The following FLG variants were observed in gnomAD, a reference collection of about 807,000 sequenced individuals.
FLG encodes epidermal filaggrin.
Under a neutral mutation model 3.8 loss-of-function variants are expected in FLG, and 6 were observed. The observed-to-expected ratio is 1.60, with a 90% CI of 0.87 to 3.15. The LOEUF is 3.15. Among genes scored for constraint, FLG ranks in the 30% most tolerant of loss-of-function variants. The pLI, the probability that FLG is intolerant of heterozygous loss-of-function variation, is 0.00. For synonymous variants in FLG, 2,551 were observed against 1,931.6 expected (o/e 1.32, Z -8.41); for missense variants, 7,595 against 5,050.9 (o/e 1.50, Z -15.27).
rs553760391 is a variant in FLG, at chr1:152,310,103, T to C, written c.4783A>G (p.Ser1595Gly). 1.2e-6 allele frequency: 2 copies of C among 1,614,012 alleles called. No homozygotes were observed. Among genetic ancestry groups the C allele is most frequent in the East Asian group, 2.2e-5 (1 of 44,838 alleles). The part of the protein sequence containing the change: ...KTSRRQGSSV[S>G]QDRDSEGHSE... ...TGTCCCTCACTGTCCCTGTCCTGACTAACACTGGATCCCTGGCGCCTGCTT... is the reference window on the plus strand; with the variant it reads ...TGTCCCTCACTGTCCCTGTCCTGACCAACACTGGATCCCTGGCGCCTGCTT... Residue 1595 changes from serine to glycine, a missense_variant, in exon 3 of 3, where the codon AGT becomes GGT. Transcript: ENST00000368799.
intron 1 of FLG, among the ~76,000 whole-genome samples, chr1:152,320,337 C>G (rs1185132349): frequency 1.3e-5 from 2 of 150,516 alleles, no homozygotes; most frequent in African/African-American, 4.9e-5. Flanking sequence ...GGCTGTCAGA[C>G]TGGATTAAAA....
chr1:152,323,086 A>G (rs1393316327), intron 1 of FLG, among the ~76,000 whole-genome samples: 1 of 151,606 alleles, frequency 6.6e-6, no homozygotes, highest in Non-Finnish European at 1.5e-5. Context: ...AATGGCAAAG[A>G]TGGTAGTGTA....
rs996391727 is a variant in FLG at position 152,303,235 on chromosome 1, G to C, written c.11651C>G (p.Ser3884Cys). 1 of 1,613,914 alleles carries C rather than the reference G, an allele frequency of 6.2e-7. No homozygotes were observed. The highest frequency in any genetic ancestry group is 1.3e-5 in the African/African-American group (1 of 74,878). The stretch of plus-strand genomic sequence containing the variant: ...CCGAGAAGATCCATGATGGTTTCTG[G>C]AAGCAGACTCAGATCGCCTCTCAGA... Reference protein sequence around the residue: ...EDSERRSESASRNHHGSSREQ... With the variant: ...EDSERRSESACRNHHGSSREQ... Residue 3884 changes from serine (S) to cysteine (C), a missense_variant, in exon 3 of 3, where the codon TCC becomes TGC. Ser to Cys is a moderately radical substitution (Grantham distance 112). Transcript: ENST00000368799.
At chr1:152,318,608 G>T (rs1447386253) in intron 1 of FLG, among the ~76,000 whole-genome samples, 1 of 151,710 alleles carries the variant, frequency 6.6e-6, no homozygotes, top group African/African-American at 2.4e-5. Context: ...AATGTCATTG[G>T]ATCCCATCAC....
At position 152,307,237 on chromosome 1, in the gene FLG, C is replaced by T. The variant is rs144484740; in HGVS notation, c.7649G>A (p.Gly2550Asp). 1.4e-5 allele frequency: 23 copies of T among 1,611,260 alleles called. No homozygotes were observed. The South Asian group carries it at 2.2e-4, about 15-fold the overall frequency. Residue 2550 changes from glycine to aspartate, a missense_variant, in exon 3 of 3, where the codon GGC becomes GAC. Physicochemically the swap from Gly to Asp is moderately conservative, Grantham distance 94. Coordinates refer to ENST00000368799, the MANE Select transcript of FLG (RefSeq NM_002016.2). ...RADSSGHSQV[G>D]QGQSEGPRTS... Reference sequence around the variant, plus strand: ...CCTGGGCCCCTCTGATTGTCCCTGGCCCACCTGCGAGTGTCCAGAGCTGTC... The same window carrying T: ...CCTGGGCCCCTCTGATTGTCCCTGGTCCACCTGCGAGTGTCCAGAGCTGTC...
Position 152,310,564 on chromosome 1 carries a change from A to G in FLG, c.4322T>C (p.Phe1441Ser). Residue 1441 changes from phenylalanine to serine, a missense_variant, in exon 3 of 3, where the codon TTC becomes TCC. Transcript: ENST00000368799. ...SGESSGRSRS[F>S]LYQVSSHEQS... ...TTCATGAGAGCTCACCTGGTAGAGG[A>G]AAGACCTTGAACGTCCAGAGCTTTC... The G allele has an allele frequency of 1.2e-6, 2 of 1,613,656 alleles. No individual in the cohort carries two copies. The highest frequency in any genetic ancestry group is 1.7e-6 in the Non-Finnish European group (2 of 1,179,874).
In FLG at chr1:152,304,837, G is replaced by C. The variant is rs1557871489; in HGVS notation, c.10049C>G (p.Ser3350Ter). The change falls in exon 3 of 3, where the codon TCA becomes TGA. Residue 3350 changes from serine to a stop codon, truncating the protein, a stop_gained. Coordinates refer to ENST00000368799, the MANE Select transcript of FLG (RefSeq NM_002016.2). LOFTEE classifies it low-confidence loss of function (END_TRUNC). ...ASDSEGHSEE[S>*]DTQSVSGHGQ... Reference sequence around the variant, plus strand: ...ATGGCCTGACACTGACTGTGTGTCTGACTCTTCTGAATGTCCCTCACTATC... The same window carrying C: ...ATGGCCTGACACTGACTGTGTGTCTCACTCTTCTGAATGTCCCTCACTATC... 6.2e-7 allele frequency: 1 copy of C among 1,613,758 alleles called. No individual in the cohort carries two copies. Among genetic ancestry groups the C allele is most frequent in the Non-Finnish European group, 8.5e-7 (1 of 1,179,958 alleles).
chr1:152,318,875 C>T (rs1315189443), intron 1 of FLG, among the ~76,000 whole-genome samples: 4 of 151,646 alleles, frequency 2.6e-5, no homozygotes, highest in Non-Finnish European at 4.4e-5. Flanking sequence ...ATGTACATAA[C>T]TAAAATAAGA....
rs1652085373 is a variant in FLG, at chr1:152,307,840, C to T, written c.7046G>A (p.Gly2349Glu). The T allele has an allele frequency of 1.9e-6, 3 of 1,613,224 alleles. No individual in the cohort carries two copies. Among genetic ancestry groups the T allele is most frequent in the Non-Finnish European group, 1.7e-6 (2 of 1,179,896 alleles). Residue 2349 changes from glycine (G) to glutamate (E), a missense_variant, in exon 3 of 3, where the codon GGA becomes GAA. Transcript: ENST00000368799. ...GTCTCTGACTGCAGATGAAGCTTGTCCGTGCCCAATGCCTGAGTGTCTGGA... is the reference window on the plus strand; with the variant it reads ...GTCTCTGACTGCAGATGAAGCTTGTTCGTGCCCAATGCCTGAGTGTCTGGA... ...DSSRHSGIGH[G>E]QASSAVRDSG...
rs1228964062 is a variant in FLG, at chr1:152,312,304, AC to A, written c.2581del (p.Val861Ter). 2 of 1,612,884 alleles carry A rather than the reference AC, an allele frequency of 1.2e-6. No homozygotes were observed. Among genetic ancestry groups the A allele is most frequent in the Non-Finnish European group, 1.7e-6 (2 of 1,179,718 alleles). On this transcript the variant is annotated frameshift_variant, in exon 3 of 3. Coordinates refer to ENST00000368799, the MANE Select transcript of FLG (RefSeq NM_002016.2). LOFTEE classifies it low-confidence loss of function (END_TRUNC). Reference protein sequence around the residue: ...GRQGSHHEQSVDRSGHSGSHH... With the variant: ...GRQGSHHEQSXDRSGHSGSHH... Reference sequence around the variant, plus strand: ...GGACCCTGAGTGTCCAGACCTATCTACCGATTGCTCGTGGTGGGACCCCTGC... The same window carrying A: ...GGACCCTGAGTGTCCAGACCTATCTACGATTGCTCGTGGTGGGACCCCTGC...
In FLG at chr1:152,310,456, G is replaced by T. The variant is rs772962994; in HGVS notation, c.4430C>A (p.Ser1477Tyr). The change falls in exon 3 of 3, where the codon TCT becomes TAT. Residue 1477 changes from serine to tyrosine, a missense_variant. Transcript: ENST00000368799. ...ACCGTCTTGGGATGCTGAGTGCCTA[G>T]AGCTGTTTCGTGCCTGCTCATGGCG... is the stretch of plus-strand genomic sequence containing the variant. ...GSRHEQARNSSRHSASQDGQD... is the reference protein window; with the variant it reads ...GSRHEQARNSYRHSASQDGQD... The T allele has an allele frequency of 6.2e-7, 1 of 1,613,626 alleles. No individual in the cohort carries two copies. Among genetic ancestry groups the T allele is most frequent in the South Asian group, 1.1e-5 (1 of 91,054 alleles).
chr1:152,303,346 T>G lies in FLG; in HGVS notation c.11540A>C (p.Gln3847Pro), dbSNP rs1487263318. 6.2e-7 allele frequency: 1 copy of G among 1,614,024 alleles called. No homozygotes were observed. The highest frequency in any genetic ancestry group is 1.3e-5 in the African/African-American group (1 of 74,928). Residue 3847 changes from glutamine to proline, a missense_variant, in exon 3 of 3, where the codon CAG becomes CCG. Transcript: ENST00000368799. ...ADSSRHSQSG[Q>P]GESAGSRRSR... ...TCTCCTGGACCCCGCTGATTCACCC[T>G]GGCCGGACTGTGAGTGTCTAGAGCT...
In FLG at chr1:152,308,550, T is replaced by C. The variant is rs549806447; in HGVS notation, c.6336A>G (p.Gly2112=). The change falls in exon 3 of 3, where the codon GGA becomes GGG. Residue 2112 remains glycine, a synonymous_variant. Transcript: ENST00000368799. ...STHGQSAPST[G]GRQGSHYDQA... is the part of the protein sequence containing the mutation. ...GATCATAATGGGATCCTTGTCTTCC[T>C]CCAGTGCTGGGCGCAGACTGTCCAT... 1,208 of 1,613,970 alleles carry C rather than the reference T, an allele frequency of 7.5e-4. 12 individuals are homozygous for C. The African/African-American group carries it at 0.014, about 19-fold the overall frequency.
rs759818156 is a variant in FLG, at chr1:152,311,730, T to C, written c.3156A>G (p.Arg1052=). The C allele has an allele frequency of 6.2e-7, 1 of 1,613,976 alleles. No individual in the cohort carries two copies. Among genetic ancestry groups the C allele is most frequent in the Non-Finnish European group, 8.5e-7 (1 of 1,179,990 alleles). The part of the protein sequence containing the change: ...DSSRHSGIPR[R]QASSAVRDSG... ...TGTCTCTGACTGCAGATGAAGCTTG[T>C]CTGCGCGGAATGCCTGAGTGTCTGG... The change falls in exon 3 of 3, where the codon AGA becomes AGG. Residue 1052 remains arginine (R), a synonymous_variant. Transcript: ENST00000368799.
Position 152,309,048 on chromosome 1 carries a change from A to G in FLG, c.5838T>C (p.Ala1946=), listed in dbSNP as rs1354602653. Residue 1946 remains alanine (A), a synonymous_variant, in exon 3 of 3, where the codon GCT becomes GCC. Transcript: ENST00000368799. ...GSASRNHLGS[A]WEQSRDGSRH... is the part of the protein sequence containing the mutation. ...TGGAGCCATCTCTTGACTGCTCCCA[A>G]GCAGATCCAAGATGGTTTCTGGAAG... 1.2e-6 allele frequency: 2 copies of G among 1,614,142 alleles called. No individual in the cohort carries two copies. Among genetic ancestry groups the G allele is most frequent in the African/African-American group, 1.3e-5 (1 of 75,042 alleles).
At position 152,305,183 on chromosome 1, in the gene FLG, C is replaced by A. The variant is rs1651874219; in HGVS notation, c.9703G>T (p.Ala3235Ser). Residue 3235 changes from alanine (A) to serine (S), a missense_variant, in exon 3 of 3, where the codon GCT (alanine) becomes TCT (serine). By Grantham distance (99) the Ala-to-Ser change is moderately conservative (BLOSUM62 1). Coordinates refer to ENST00000368799, the MANE Select transcript of FLG (RefSeq NM_002016.2). Reference protein sequence around the residue: ...SEDSERWSGSASRNHRGSVQE... With the variant: ...SEDSERWSGSSSRNHRGSVQE... Reference sequence around the variant, plus strand: ...ACAGATCCACGATGGTTTCTGGAAGCAGACCCAGACCACCTCTCAGAGTCT... The same window carrying A: ...ACAGATCCACGATGGTTTCTGGAAGAAGACCCAGACCACCTCTCAGAGTCT... The A allele has an allele frequency of 6.2e-7, 1 of 1,613,804 alleles. No homozygotes were observed. Among genetic ancestry groups the A allele is most frequent in the Non-Finnish European group, 8.5e-7 (1 of 1,179,968 alleles).
At position 152,310,861 on chromosome 1, in the gene FLG, G is replaced by T; in HGVS notation, c.4025C>A (p.Ala1342Asp). The T allele has an allele frequency of 6.2e-7, 1 of 1,613,978 alleles. No individual in the cohort carries two copies. Among genetic ancestry groups the T allele is most frequent in the Non-Finnish European group, 8.5e-7 (1 of 1,179,970 alleles). The change falls in exon 3 of 3, where the codon GCT (alanine) becomes GAT (aspartate). Residue 1342 changes from alanine to aspartate, a missense_variant. Coordinates refer to ENST00000368799, the MANE Select transcript of FLG (RefSeq NM_002016.2). Reference sequence around the variant, plus strand: ...TCTTGCCTGTTCATGGGATGACACAGCCTGTCCATGAGAGGAAGACTCTGT... The same window carrying T: ...TCTTGCCTGTTCATGGGATGACACATCCTGTCCATGAGAGGAAGACTCTGT... ...HHTESSSHGQ[A>D]VSSHEQARSS...
In FLG at chr1:152,304,150, G is replaced by A. The variant is rs3126075; in HGVS notation, c.10736C>T (p.Thr3579Met). 9.4e-5 allele frequency: 143 copies of A among 1,516,556 alleles called. 5 individuals are homozygous for A. The highest frequency in any genetic ancestry group is 1.2e-4 in the Non-Finnish European group (130 of 1,118,272). The allele number at this position is 1,516,556 out of a possible 1,614,324, so 93.9% of individuals were successfully genotyped here. ...EQSRDGSRHPTSHHEDRAGHG... is the reference protein window; with the variant it reads ...EQSRDGSRHPMSHHEDRAGHG... ...ACCGGCTCTGTCTTCGTGATGGGACGTGGGGTGTCTGGAGCCATCTCTTGA... is the reference window on the plus strand; with the variant it reads ...ACCGGCTCTGTCTTCGTGATGGGACATGGGGTGTCTGGAGCCATCTCTTGA... The change falls in exon 3 of 3, where the codon ACG becomes ATG. Residue 3579 changes from threonine to methionine, a missense_variant. Coordinates refer to ENST00000368799, the MANE Select transcript of FLG (RefSeq NM_002016.2).
chr1:152,312,907 G>T lies in FLG; in HGVS notation c.1979C>A (p.Pro660His). ...AGCTCTGTCTTCGTGATGGGACCTG[G>T]GGTGTCTGGAGCCATCTCTTGACTG... Reference protein sequence around the residue: ...QEQSRDGSRHPRSHHEDRAGH... With the variant: ...QEQSRDGSRHHRSHHEDRAGH... The change falls in exon 3 of 3, where the codon CCC becomes CAC. Residue 660 changes from proline to histidine, a missense_variant. Coordinates refer to ENST00000368799, the MANE Select transcript of FLG (RefSeq NM_002016.2). 3.7e-6 allele frequency: 6 copies of T among 1,613,996 alleles called. No homozygotes were observed. The highest frequency in any genetic ancestry group is 5.1e-6 in the Non-Finnish European group (6 of 1,180,018).
Sources: gnomAD v4.1 joint callset for allele counts (sites outside exome capture counted in the v4.1 genomes callset) on GRCh38, gnomAD v4.1.1 for gene constraint, MANE v1.5 for transcripts, NCBI Gene and HGNC (gene_info 2026-07-23, HGNC 2026-07-21) for gene names.